POTEE: variants seen among roughly 807,000 people sequenced by gnomAD.
POTEE encodes the protein ANKRD26-like family C member 1A.
A neutral mutation model predicts 74.2 loss-of-function variants in POTEE; 21 were observed. That is an observed-to-expected ratio of 0.28 (90% confidence interval 0.20 to 0.41). POTEE has a LOEUF of 0.41. Among genes scored for constraint, POTEE ranks in the 10% least tolerant of loss-of-function variants. POTEE has a pLI of 1.00. For missense variants in POTEE, 525 were observed against 1,158.6 expected, an observed-to-expected ratio of 0.45 and a Z score of 7.94; for synonymous variants, 211 against 432.8, an observed-to-expected ratio of 0.49 and a Z score of 6.36.
chr2:131,264,930 C>A lies in POTEE; in HGVS notation c.*247C>A, dbSNP rs1701864126. The stretch of plus-strand genomic sequence containing the variant: ...GTACATTGTTCTTCTTTTCAATAGT[C>A]ATTCCAAATATTGTGAGACGCATTG... On this transcript the variant is annotated 3_prime_UTR_variant, in exon 18 of 18. Coordinates refer to ENST00000683005, the MANE Select transcript of POTEE (RefSeq NM_001083538.3). 3 of 637,204 alleles carry A rather than the reference C, an allele frequency of 4.7e-6. No homozygotes were observed. Among genetic ancestry groups the A allele is most frequent in the Non-Finnish European group, 8.1e-6 (3 of 369,356 alleles). 39.5% of individuals were successfully genotyped at this position (637,204 alleles called of 1,614,324 possible).
intron 3 of POTEE, among the ~76,000 whole-genome samples, chr2:131,217,888 G>A (rs1188773861): frequency 6.7e-5 from 10 of 149,576 alleles, no homozygotes; most frequent in Non-Finnish European, 1.2e-4. Flanking sequence ...CGCGCACGCC[G>A]CACGCGCGTA....
intron 6 of POTEE, among the ~76,000 whole-genome samples, chr2:131,225,579 T>C (rs1700758110): frequency 6.6e-6 from 1 of 151,440 alleles, no homozygotes; most frequent in Non-Finnish European, 1.5e-5. Flanking sequence ...TTTTTTTTTT[T>C]TTTTTGAGAT....
At chr2:131,211,541 G>GTGTGTGTGTGTGTGT (rs1700358185) in intron 2 of POTEE, among the ~76,000 whole-genome samples, 1 of 7,552 alleles carries the variant, frequency 1.3e-4, no homozygotes, top group African/African-American at 2.5e-4. Context: ...TGTGTGTGTG[G>GTGTGTGTGTGTGTGT]CTTTTTTTTT....
intron 1 of POTEE, among the ~76,000 whole-genome samples, chr2:131,210,186 C>G (rs1433170848): frequency 7.4e-6 from 1 of 134,566 alleles, no homozygotes; most frequent in Non-Finnish European, 1.6e-5. Flanking sequence ...TGCTGCACTG[C>G]CCTTACTCAG....
intron 10 of POTEE, among the ~76,000 whole-genome samples, chr2:131,237,803 G>C (rs1487641737): frequency 1.3e-5 from 2 of 152,294 alleles, no homozygotes; most frequent in Non-Finnish European, 2.9e-5. Flanking sequence ...CTCTTTTCAA[G>C]TGAGGAAGGT....
At chr2:131,210,343 G>C (rs1420451857) in intron 1 of POTEE, among the ~76,000 whole-genome samples, 1 of 135,476 alleles carries the variant, frequency 7.4e-6, no homozygotes, top group Admixed American at 7.7e-5. Context: ...TTGGGGGGGG[G>C]TATTGGGGTT....
intron 2 of POTEE, among the ~76,000 whole-genome samples, chr2:131,212,066 T>C (rs865804625): frequency 1.3e-4 from 19 of 151,816 alleles, no homozygotes; most frequent in Admixed American, 4.6e-4. Context: ...TTTCTCCTCC[T>C]CTTTTTGTTT....
chr2:131,235,804 A>AG (rs1449036884), intron 9 of POTEE, among the ~76,000 whole-genome samples: 1 of 151,484 alleles, frequency 6.6e-6, no homozygotes, highest in Non-Finnish European at 1.5e-5. Context: ...AAAAAAAAAA[A>AG]AAAAAAAAAG....
chr2:131,220,092 G>C (rs1700571470), intron 4 of POTEE, among the ~76,000 whole-genome samples: 1 of 151,732 alleles, frequency 6.6e-6, no homozygotes, highest in African/African-American at 2.4e-5. Flanking sequence ...AAACTAGCTA[G>C]ATTTTTATGT....
Position 131,218,894 on chromosome 2 carries a change from T to G in POTEE, c.492T>G (p.Thr164=), listed in dbSNP as rs1700527655. The change falls in exon 4 of 18, where the codon ACT becomes ACG. Residue 164 remains threonine (T), a synonymous_variant. Transcript: ENST00000683005. The part of the protein sequence containing the change: ...RKDLIVMLRD[T]DVNKKDKQKR... Reference sequence around the variant, plus strand: ...ATCTCATCGTCATGCTCAGGGACACTGACGTGAACAAGAAGGACAAGCAAA... The same window carrying G: ...ATCTCATCGTCATGCTCAGGGACACGGACGTGAACAAGAAGGACAAGCAAA... 2 of 1,613,224 alleles carry G rather than the reference T, an allele frequency of 1.2e-6. No individual in the cohort carries two copies. Among genetic ancestry groups the G allele is most frequent in the Non-Finnish European group, 1.7e-6 (2 of 1,179,974 alleles).
chr2:131,218,473 T>G lies in POTEE; in HGVS notation c.71T>G (p.Met24Arg). The G allele has an allele frequency of 6.2e-7, 1 of 1,613,178 alleles. No individual in the cohort carries two copies. Among genetic ancestry groups the G allele is most frequent in the Non-Finnish European group, 8.5e-7 (1 of 1,179,862 alleles). The change falls in exon 4 of 18, where the codon ATG becomes AGG. Residue 24 changes from methionine to arginine, a missense_variant. Transcript: ENST00000683005. ...AAGCCATTTGGTCTCAGGAGCAAGA[T>G]GGGCAAGTGGTGCTGCCGTTGCTTC... ...VKKPFGLRSKMGKWCCRCFPC... is the reference protein window; with the variant it reads ...VKKPFGLRSKRGKWCCRCFPC...
rs567719334 is a variant in POTEE at position 131,218,708 on chromosome 2, C to G, written c.306C>G (p.Cys102Trp). ...TCAGGAACAAGATGGGGAAGTGGTG[C>G]TGCCACTGCTTCCCCTGCTGCAGGG... ...KTLRNKMGKW[C>W]CHCFPCCRGS... The change falls in exon 4 of 18, where the codon TGC becomes TGG. Residue 102 changes from cysteine to tryptophan, a missense_variant. Coordinates refer to ENST00000683005, the MANE Select transcript of POTEE (RefSeq NM_001083538.3). 1.6e-5 allele frequency: 22 copies of G among 1,369,888 alleles called. No homozygotes were observed. The highest frequency in any genetic ancestry group is 2.0e-5 in the Non-Finnish European group (20 of 1,014,342). The allele number at this position is 1,369,888 out of a possible 1,614,324, so 84.9% of individuals were successfully genotyped here.
intron 3 of POTEE, 186 bp from the exon 4 acceptor site, chr2:131,218,124 T>G: frequency 1.0e-5 from 6 of 594,806 alleles, no homozygotes; most frequent in East Asian, 6.5e-5. Context: ...GGCTGGGTGT[T>G]TTCTTGGGGG....
chr2:131,258,522 C>G (rs1243383305), intron 16 of POTEE, among the ~76,000 whole-genome samples: 2 of 150,324 alleles, frequency 1.3e-5, no homozygotes, highest in Non-Finnish European at 3.0e-5. Context: ...TTTTAAATTC[C>G]TTTTCTTGTT....
Position 131,235,792 on chromosome 2 carries a change from C to CAAA in POTEE, c.1127-921_1127-919dup, listed in dbSNP as rs1203876832. Among the ~76,000 whole-genome samples, 127 of 78,264 alleles carry CAAA rather than the reference C, an allele frequency of 1.6e-3. 1 individual carries two copies. Among genetic ancestry groups the CAAA allele is most frequent in the Middle Eastern group, 8.3e-3 (1 of 120 alleles). The allele number at this position is 78,264 out of a possible 152,430, so 51.3% of individuals were successfully genotyped here. ...CTGGTGACAGAGCAAGACCCTGGCT[C>CAAA]AAAAAAAAAAAAAAAAAAAAAGAAA... is the stretch of plus-strand genomic sequence containing the variant. On this transcript the variant is annotated intron_variant, in intron 9 of 17. Transcript: ENST00000683005.
rs547141851 is a variant in POTEE, at chr2:131,230,633, C to G, written c.1056-203C>G. Among the ~76,000 whole-genome samples, 8 of 152,176 alleles carry G rather than the reference C, an allele frequency of 5.3e-5. 1 individual carries two copies. The highest frequency in any genetic ancestry group is 3.4e-3 in the Middle Eastern group (1 of 294). ...GGGTCACAGTGCCCTCGATTTATGACTATTTCACCTTACATTTTTTTCTTC... is the reference window on the plus strand; with the variant it reads ...GGGTCACAGTGCCCTCGATTTATGAGTATTTCACCTTACATTTTTTTCTTC... On this transcript the variant is annotated intron_variant, in intron 8 of 17. Transcript: ENST00000683005.
rs548754169 is a variant in POTEE at position 131,214,184 on chromosome 2, C to CT, written c.-189+3004dup. On this transcript the variant is annotated intron_variant, in intron 2 of 17. Transcript: ENST00000683005. ...TGTTTTCCTCATGGAACCCCAAGAACTTTAAGCAGACAGGTCCCTCTCAAA... is the reference window on the plus strand; with the variant it reads ...TGTTTTCCTCATGGAACCCCAAGAACTTTTAAGCAGACAGGTCCCTCTCAAA... Among the ~76,000 whole-genome samples, 184 of 152,356 alleles carry CT rather than the reference C, an allele frequency of 1.2e-3. 1 individual carries two copies. Among genetic ancestry groups the CT allele is most frequent in the Middle Eastern group, 0.01 (3 of 294 alleles).
Position 131,264,949 on chromosome 2 carries a change from C to T in POTEE, c.*266C>T, listed in dbSNP as rs554790810. 70 of 591,806 alleles carry T rather than the reference C, an allele frequency of 1.2e-4. 1 individual carries two copies. The highest frequency in any genetic ancestry group is 7.5e-4 in the African/African-American group (40 of 53,368). 36.7% of individuals were successfully genotyped at this position (591,806 alleles called of 1,614,324 possible). A position where few individuals can be genotyped will look rare whatever the true frequency, so the allele number is the denominator to read the frequency against. On this transcript the variant is annotated 3_prime_UTR_variant, in exon 18 of 18. Coordinates refer to ENST00000683005, the MANE Select transcript of POTEE (RefSeq NM_001083538.3). The stretch of plus-strand genomic sequence containing the variant: ...AATAGTCATTCCAAATATTGTGAGA[C>T]GCATTGTTTCAGGAAGCCCCTTGCC...
chr2:131,222,676 T>C (rs1201854259), intron 4 of POTEE, among the ~76,000 whole-genome samples: 1 of 152,236 alleles, frequency 6.6e-6, no homozygotes, highest in Admixed American at 6.5e-5. Context: ...CTGATGTAGA[T>C]ATATTGTATA....
Sources: allele counts gnomAD v4.1 joint callset (sites outside exome capture counted in the v4.1 genomes callset), GRCh38; gene constraint gnomAD v4.1.1; transcripts MANE v1.5; gene names NCBI Gene and HGNC (gene_info 2026-07-23, HGNC 2026-07-21).